Variants in WFDC9 observed in about 807,000 individuals in gnomAD.
The protein encoded by WFDC9 is WAP four-disulfide core domain 9.
Under a neutral mutation model 9.5 loss-of-function variants are expected in WFDC9, and 9 were observed. The ratio of observed to expected loss-of-function variants is 0.95; its 90% CI spans 0.57 to 1.65. The LOEUF (loss-of-function observed/expected upper bound fraction) is 1.65, where lower values mean the gene tolerates loss of function less well. WFDC9 is among the 40% of genes most tolerant of loss of function. The pLI is 0.00. For synonymous variants in WFDC9, 33 were observed against 32.3 expected, an observed-to-expected ratio of 1.02 and a Z score of -0.07; for missense variants, 87 against 106.7, an observed-to-expected ratio of 0.82 and a Z score of 0.81.
intron 1 of WFDC9, among the ~76,000 whole-genome samples, chr20:45,619,893 G>T (rs1982057579): frequency 6.6e-6 from 1 of 152,112 alleles, no homozygotes; most frequent in Admixed American, 6.5e-5. Context: ...AGCCGTGGTG[G>T]TGGGTGCCTA....
intron 1 of WFDC9, among the ~76,000 whole-genome samples, chr20:45,630,540 T>C (rs1982337537): frequency 6.6e-6 from 1 of 152,156 alleles, no homozygotes; most frequent in African/African-American, 2.4e-5. Flanking sequence ...TTCTTTGAGC[T>C]CTCAGGATCA....
intron 1 of WFDC9, among the ~76,000 whole-genome samples, chr20:45,619,717 G>A (rs975049082): frequency 2.6e-5 from 4 of 152,246 alleles, no homozygotes; most frequent in African/African-American, 9.6e-5. Context: ...AAAACATAAA[G>A]ATGTAACATG....
At chr20:45,628,476 A>T (rs1157023568) in intron 1 of WFDC9, among the ~76,000 whole-genome samples, 1 of 152,184 alleles carries the variant, frequency 6.6e-6, no homozygotes, top group African/African-American at 2.4e-5. Context: ...TGCAGCTTCT[A>T]TTTGAGATGA....
At chr20:45,624,491 G>A (rs1478902074) in intron 1 of WFDC9, among the ~76,000 whole-genome samples, 1 of 152,182 alleles carries the variant, frequency 6.6e-6, no homozygotes, top group African/African-American at 2.4e-5. Flanking sequence ...GGTTGAGTCT[G>A]TATCTCGGCT....
At chr20:45,621,113 T>A (rs1164647955) in intron 1 of WFDC9, among the ~76,000 whole-genome samples, 1 of 152,218 alleles carries the variant, frequency 6.6e-6, no homozygotes, top group East Asian at 1.9e-4. Flanking sequence ...TTCTACTATT[T>A]TAAAAGCCAT....
chr20:45,619,356 A>G (rs1174174112), intron 1 of WFDC9, among the ~76,000 whole-genome samples: 3 of 152,148 alleles, frequency 2.0e-5, no homozygotes, highest in Admixed American at 6.5e-5. Context: ...ATACTCTTCT[A>G]TTTTAGTTAA....
At chr20:45,621,510 A>C (rs1982099571) in intron 1 of WFDC9, among the ~76,000 whole-genome samples, 1 of 152,222 alleles carries the variant, frequency 6.6e-6, no homozygotes, top group African/African-American at 2.4e-5. Flanking sequence ...ATTTTGAGAA[A>C]GTTCCCATTG....
chr20:45,630,801 G>A (rs1161223611), intron 1 of WFDC9: 1 of 1,480,652 alleles, frequency 6.8e-7, no homozygotes, highest in Non-Finnish European at 9.0e-7. Context: ...GGTCTTGGAG[G>A]AGGCTTCAGC....
intron 1 of WFDC9, among the ~76,000 whole-genome samples, chr20:45,624,548 G>A (rs146731557): frequency 1.1e-3 from 175 of 152,286 alleles, no homozygotes; most frequent in African/African-American, 3.9e-3. Flanking sequence ...ATGTTGATAT[G>A]CTGATTTCCT....
intron 1 of WFDC9, among the ~76,000 whole-genome samples, chr20:45,619,828 C>T (rs994061735): frequency 4.6e-5 from 7 of 152,146 alleles, no homozygotes; most frequent in African/African-American, 1.7e-4. Flanking sequence ...AGTTTGAGAA[C>T]AGCCTGACCA....
chr20:45,630,407 G>A (rs1982333054), intron 1 of WFDC9, among the ~76,000 whole-genome samples: 2 of 152,098 alleles, frequency 1.3e-5, no homozygotes, highest in Admixed American at 6.5e-5. Context: ...ACTAAAGAAG[G>A]GGCAGGAAGA....
intron 2 of WFDC9, among the ~76,000 whole-genome samples, chr20:45,612,910 A>G (rs891996765): frequency 2.0e-5 from 3 of 152,194 alleles, no homozygotes; most frequent in Admixed American, 6.5e-5. Context: ...AGGAAGGAAA[A>G]TAAGAGTCAA....
intron 3 of WFDC9, among the ~76,000 whole-genome samples, chr20:45,609,548 T>A (rs1981813950): frequency 6.6e-6 from 1 of 152,076 alleles, no homozygotes; most frequent in Admixed American, 6.6e-5. Flanking sequence ...ACCTAAGAAG[T>A]CAGTCTCTCC....
At chr20:45,625,833 T>TTTTTTTTTTTTTTA (rs71181835) in intron 1 of WFDC9, among the ~76,000 whole-genome samples, 1 of 140,680 alleles carries the variant, frequency 7.1e-6, no homozygotes, top group African/African-American at 2.7e-5. Context: ...TTTTTTTTTT[T>TTTTTTTTTTTTTTA]GAGACAGAGT....
chr20:45,629,753 G>C lies in WFDC9; in HGVS notation c.-153+1450C>G, dbSNP rs1982309597. ...TTCCTTCCTTCACTCTCCGTAGACA[G>C]CTCTGCAGGGAAGTCTGTGACAACC... is the stretch of plus-strand genomic sequence containing the variant. On this transcript the variant is annotated intron_variant, in intron 1 of 4. Transcript: ENST00000326000. The C allele has an allele frequency of 5.7e-6, 9 of 1,575,628 alleles. No individual in the cohort carries two copies. The South Asian group carries it at 9.2e-5, about 16-fold the overall frequency.
At chr20:45,608,889 T>C (rs1324895267) in intron 3 of WFDC9, 79 bp from the exon 4 acceptor site, 3 of 1,440,966 alleles carry the variant, frequency 2.1e-6, no homozygotes, top group Non-Finnish European at 2.8e-6. Context: ...CAATCCCTTC[T>C]GAAACTTGAG....
intron 2 of WFDC9, among the ~76,000 whole-genome samples, chr20:45,611,722 A>G (rs1981863027): frequency 6.6e-6 from 1 of 152,204 alleles, no homozygotes; most frequent in South Asian, 2.1e-4. Context: ...TGAGTTAATG[A>G]AGAAAGATTT....
intron 2 of WFDC9, among the ~76,000 whole-genome samples, chr20:45,612,066 T>G (rs1981871718): frequency 6.6e-6 from 1 of 152,128 alleles, no homozygotes; most frequent in South Asian, 2.1e-4. Context: ...ACTCATCTCA[T>G]CTCATAGGGT....
chr20:45,620,256 A>C (rs1174887320), intron 1 of WFDC9, among the ~76,000 whole-genome samples: 1 of 152,032 alleles, frequency 6.6e-6, no homozygotes, highest in African/African-American at 2.4e-5. Flanking sequence ...AGTCATTTGG[A>C]ATTTTTTAGG....
Sources: allele counts gnomAD v4.1 joint callset (sites outside exome capture counted in the v4.1 genomes callset), GRCh38; gene constraint gnomAD v4.1.1; transcripts MANE v1.5; gene names NCBI Gene and HGNC (gene_info 2026-07-23, HGNC 2026-07-21).